The following FGF2 variants were observed in gnomAD, a reference collection of about 807,000 sequenced individuals.
The protein encoded by FGF2 is basic fibroblast growth factor bFGF.
FGF2 carries 13 observed loss-of-function variants against 15.9 expected under a neutral mutation model. The observed-to-expected ratio is 0.82, with a 90% confidence interval of 0.53 to 1.30. The LOEUF is 1.30. Among genes scored for constraint, FGF2 ranks in the 50% most tolerant of loss-of-function variants. The pLI, the probability that FGF2 is intolerant of heterozygous loss-of-function variation, is 0.00. For missense variants in FGF2, 163 were observed against 196.9 expected (o/e 0.83, Z 1.03); for synonymous variants, 90 against 78.4 (o/e 1.15, Z -0.78).
At chr4:122,875,597 A>G (rs2150783684) in intron 1 of FGF2, among the ~76,000 whole-genome samples, 1 of 152,236 alleles carries the variant, frequency 6.6e-6, no homozygotes, top group Admixed American at 6.5e-5. Context: ...TCACGAGGTC[A>G]GGAGATCGAG....
At chr4:122,843,636 A>G (rs308427) in intron 1 of FGF2, among the ~76,000 whole-genome samples, 10,334 of 152,226 alleles carry the variant, frequency 0.068, 615 homozygotes, top group South Asian at 0.21. Context: ...TGATGTATGG[A>G]CATATCTTCA....
At chr4:122,869,424 G>A (rs1295315406) in intron 1 of FGF2, among the ~76,000 whole-genome samples, 3 of 152,158 alleles carry the variant, frequency 2.0e-5, no homozygotes, top group African/African-American at 7.2e-5. Context: ...AATTACTTTG[G>A]GCAGTATGTC....
At chr4:122,840,143 G>A (rs1033521336) in intron 1 of FGF2, among the ~76,000 whole-genome samples, 1 of 152,182 alleles carries the variant, frequency 6.6e-6, no homozygotes, top group Admixed American at 6.5e-5. Flanking sequence ...AGCACATGCA[G>A]AGATAGTGGG....
intron 1 of FGF2, among the ~76,000 whole-genome samples, chr4:122,875,243 TTAAG>T (rs1327494211): frequency 1.3e-5 from 2 of 152,178 alleles, no homozygotes; most frequent in Non-Finnish European, 2.9e-5. Context: ...ATCATCATAA[TTAAG>T]TAATTTTTTT....
At position 122,892,677 on chromosome 4, in the gene FGF2, G is replaced by C; in HGVS notation, c.*281G>C. 2 of 1,377,478 alleles carry C rather than the reference G, an allele frequency of 1.5e-6. No individual in the cohort carries two copies. The highest frequency in any genetic ancestry group is 1.9e-6 in the Non-Finnish European group (2 of 1,045,010). The allele number at this position is 1,377,478 out of a possible 1,614,324, so 85.3% of individuals were successfully genotyped here. On this transcript the variant is annotated 3_prime_UTR_variant, in exon 3 of 3. Transcript: ENST00000644866. ...ACGCATTTGCTTTATTCGAAAAGAG[G>C]CTTTTAAAATGTGCATGTTTAGAAA...
chr4:122,887,206 C>T (rs909939569), intron 2 of FGF2, among the ~76,000 whole-genome samples: 1 of 152,076 alleles, frequency 6.6e-6, no homozygotes, highest in Non-Finnish European at 1.5e-5. Context: ...CCCAGCTACT[C>T]AGGAGGCTGA....
chr4:122,889,662 A>G (rs1230634543), intron 2 of FGF2, among the ~76,000 whole-genome samples: 2 of 152,202 alleles, frequency 1.3e-5, no homozygotes, highest in East Asian at 3.8e-4. Context: ...CTGAACATTC[A>G]GCACAGATGT....
intron 1 of FGF2, among the ~76,000 whole-genome samples, chr4:122,830,695 A>G (rs2150760352): frequency 6.6e-6 from 1 of 152,168 alleles, no homozygotes; most frequent in Middle Eastern, 3.4e-3. Context: ...GTGTAAAAAC[A>G]TTCAGAAGAG....
At chr4:122,859,403 A>G (rs2150775224) in intron 1 of FGF2, among the ~76,000 whole-genome samples, 1 of 152,130 alleles carries the variant, frequency 6.6e-6, no homozygotes, top group Admixed American at 6.5e-5. Flanking sequence ...CTAAAAATTT[A>G]TTTATTCTGT....
At chr4:122,861,408 C>T (rs1373181233) in intron 1 of FGF2, among the ~76,000 whole-genome samples, 1 of 152,186 alleles carries the variant, frequency 6.6e-6, no homozygotes, top group Admixed American at 6.5e-5. Context: ...TCCTGCTGCT[C>T]CAACCACCTC....
At chr4:122,852,569 GATAA>G (rs1726257360) in intron 1 of FGF2, among the ~76,000 whole-genome samples, 2 of 152,192 alleles carry the variant, frequency 1.3e-5, no homozygotes, top group Non-Finnish European at 2.9e-5. Context: ...TCTGCCATCA[GATAA>G]ACAATTAATT....
rs933110778 is a variant in FGF2, at chr4:122,898,010, A to G, written c.*5614A>G. 2.2e-5 allele frequency: 5 copies of G among 223,710 alleles called. No individual in the cohort carries two copies. Among genetic ancestry groups the G allele is most frequent in the East Asian group, 1.1e-4 (1 of 9,514 alleles). The allele number at this position is 223,710 out of a possible 1,614,324, so 13.9% of individuals were successfully genotyped here. A position where few individuals can be genotyped will look rare whatever the true frequency, so the allele number is the denominator to read the frequency against. ...TAAAATATTTTGCTGCTAGTTAACT[A>G]TGAACAGATAGAAGAATCTTACAGA... On this transcript the variant is annotated 3_prime_UTR_variant, in exon 3 of 3. Transcript: ENST00000644866.
chr4:122,883,135 T>C (rs1312676441), intron 2 of FGF2: 2 of 152,178 alleles, frequency 1.3e-5, no homozygotes, highest in Non-Finnish European at 2.9e-5. Flanking sequence ...ACCTGGCCCT[T>C]TTTCAGACTA....
chr4:122,847,219 A>G (rs1208942394), intron 1 of FGF2, among the ~76,000 whole-genome samples: 2 of 152,210 alleles, frequency 1.3e-5, no homozygotes, highest in Admixed American at 6.5e-5. Flanking sequence ...TCCATGATGT[A>G]TTTACTTTTC....
At chr4:122,850,221 C>T (rs2150770949) in intron 1 of FGF2, among the ~76,000 whole-genome samples, 1 of 150,642 alleles carries the variant, frequency 6.6e-6, no homozygotes, top group African/African-American at 2.4e-5. Context: ...AAGATTGCAC[C>T]ACTGCACTCC....
intron 1 of FGF2, among the ~76,000 whole-genome samples, chr4:122,868,881 T>G (rs1726665256): frequency 6.6e-6 from 1 of 152,218 alleles, no homozygotes; most frequent in African/African-American, 2.4e-5. Flanking sequence ...ATGTTGAGCT[T>G]TTTTCCTTAT....
chr4:122,862,307 G>T (rs1284266489), intron 1 of FGF2, among the ~76,000 whole-genome samples: 1 of 152,142 alleles, frequency 6.6e-6, no homozygotes, highest in Non-Finnish European at 1.5e-5. Flanking sequence ...AAGGTGTACT[G>T]GATGATCCCT....
intron 1 of FGF2, among the ~76,000 whole-genome samples, chr4:122,848,123 A>G (rs1368531354): frequency 6.6e-6 from 1 of 152,220 alleles, no homozygotes; most frequent in African/African-American, 2.4e-5. Flanking sequence ...CTTATTCACT[A>G]TGATGCCCCA....
chr4:122,891,031 T>TG (rs1727167058), intron 2 of FGF2, among the ~76,000 whole-genome samples: 1 of 138,540 alleles, frequency 7.2e-6, no homozygotes, highest in Admixed American at 7.1e-5. Context: ...CTTTTTTTTT[T>TG]TTTTGTTTTG....
Sources: allele counts gnomAD v4.1 joint callset (sites outside exome capture counted in the v4.1 genomes callset), GRCh38; gene constraint gnomAD v4.1.1; transcripts MANE v1.5; gene names NCBI Gene and HGNC (gene_info 2026-07-23, HGNC 2026-07-21).